The following SPATA9 variants were observed in gnomAD, a reference collection of about 807,000 sequenced individuals.
The protein encoded by SPATA9 is spermatogenesis associated 9.
Under a neutral mutation model 25.5 loss-of-function variants are expected in SPATA9, and 27 were observed. The ratio of observed to expected loss-of-function variants is 1.06; its 90% CI spans 0.78 to 1.46. SPATA9 has a LOEUF of 1.46. Ranked by LOEUF, SPATA9 falls within the 40% of genes most tolerant of loss-of-function variation. The pLI is 0.00. For synonymous variants in SPATA9, 102 were observed against 105.7 expected, an observed-to-expected ratio of 0.97 and a Z score of 0.21; for missense variants, 282 against 297.5, an observed-to-expected ratio of 0.95 and a Z score of 0.38.
upstream of SPATA9, among the ~76,000 whole-genome samples, chr5:95,686,728 C>T (rs1230052210): frequency 6.6e-6 from 1 of 152,154 alleles, no homozygotes; most frequent in Non-Finnish European, 1.5e-5. Context: ...TTCAGTGAGG[C>T]ATCCCACTCT....
At chr5:95,698,616 A>G (rs1176808090) in exon 1 of SPATA9, 1 of 152,200 alleles carries the variant, frequency 6.6e-6, no homozygotes, top group Non-Finnish European at 1.5e-5. Flanking sequence ...GCAGCTTTGA[A>G]GAGGCCAAAA....
At chr5:95,727,144 A>AT in the SPATA9 span, among the ~76,000 whole-genome samples, 1 of 152,120 alleles carries the variant, frequency 6.6e-6, no homozygotes, top group Non-Finnish European at 1.5e-5. Flanking sequence ...AAACTTTAAT[A>AT]TTTTTTTAAA....
At chr5:95,698,618 A>G (rs1754099940) in exon 1 of SPATA9, 1 of 152,146 alleles carries the variant, frequency 6.6e-6, no homozygotes, top group Non-Finnish European at 1.5e-5. Flanking sequence ...AGCTTTGAAG[A>G]GGCCAAAAGC....
chr5:95,711,835 T>A, the SPATA9 span, among the ~76,000 whole-genome samples: 2 of 152,196 alleles, frequency 1.3e-5, no homozygotes, highest in African/African-American at 4.8e-5. Flanking sequence ...AACCATTGAT[T>A]TTTACAGGGA....
upstream of SPATA9, among the ~76,000 whole-genome samples, chr5:95,700,562 C>G (rs138166199): frequency 6.6e-6 from 1 of 152,012 alleles, no homozygotes; most frequent in African/African-American, 2.4e-5. Context: ...CCTCCCAAAG[C>G]GCTGGGATTA....
chr5:95,706,802 TTTA>T, the SPATA9 span, among the ~76,000 whole-genome samples: 5 of 151,262 alleles, frequency 3.3e-5, no homozygotes, highest in African/African-American at 7.3e-5. Context: ...TTCAACAATA[TTTA>T]TTGTTTTATA....
the SPATA9 span, chr5:95,731,420 TC>T: frequency 8.4e-7 from 1 of 1,192,446 alleles, no homozygotes; most frequent in Non-Finnish European, 1.0e-6. Flanking sequence ...TGTGCGGCGG[TC>T]CCGCGCCCGG....
intron 3 of SPATA9, among the ~76,000 whole-genome samples, chr5:95,673,728 C>CCTT (rs1382091323): frequency 6.6e-6 from 1 of 151,444 alleles, no homozygotes; most frequent in African/African-American, 2.4e-5. Context: ...TTTTTATTTT[C>CCTT]CTTTTTTTTC....
chr5:95,675,262 A>G (rs1444232050), intron 3 of SPATA9, 150 bp downstream of exon 3: 1 of 668,876 alleles, frequency 1.5e-6, no homozygotes, highest in East Asian at 2.7e-5. Flanking sequence ...GTTGCACTAT[A>G]TTTTAAAAAG....
At chr5:95,652,370 T>G, downstream of SPATA9, 2 of 1,544,004 alleles carry the variant, frequency 1.3e-6, no homozygotes, top group Non-Finnish European at 1.8e-6. Context: ...AACTCCCCAG[T>G]TTTTCTCTCT....
chr5:95,693,557 G>GT (rs1753939649), intron 1 of SPATA9, among the ~76,000 whole-genome samples: 1 of 152,268 alleles, frequency 6.6e-6, no homozygotes, highest in South Asian at 2.1e-4. Flanking sequence ...CACATATGTT[G>GT]TAAAACTACA....
chr5:95,667,939 T>G (rs1455769192), intron 3 of SPATA9, among the ~76,000 whole-genome samples: 1 of 152,208 alleles, frequency 6.6e-6, no homozygotes, highest in Non-Finnish European at 1.5e-5. Context: ...CACCTCTCTC[T>G]CTTCCTCCTG....
chr5:95,672,585 C>T (rs991682596), intron 3 of SPATA9, among the ~76,000 whole-genome samples: 2 of 151,306 alleles, frequency 1.3e-5, no homozygotes, highest in African/African-American at 4.9e-5. Context: ...AGAATAAGGG[C>T]AAAGAAGAAG....
At chr5:95,671,661 A>G (rs462944) in intron 3 of SPATA9, among the ~76,000 whole-genome samples, 91,359 of 151,948 alleles carry the variant, frequency 0.6, 28,141 homozygotes, top group African/African-American at 0.73. Flanking sequence ...CCACCACCTC[A>G]GCCTCCCAAA....
In SPATA9 at chr5:95,658,546, A is replaced by C. The variant is rs1174474343; in HGVS notation, c.*77T>G. 6.7e-7 allele frequency: 1 copy of C among 1,485,434 alleles called. No individual in the cohort carries two copies. The highest frequency in any genetic ancestry group is 8.9e-7 in the Non-Finnish European group (1 of 1,119,646). 92.0% of individuals were successfully genotyped at this position (1,485,434 alleles called of 1,614,324 possible). A position where few individuals can be genotyped will look rare whatever the true frequency, so the allele number is the denominator to read the frequency against. On this transcript the variant is annotated 3_prime_UTR_variant, in exon 5 of 5. Transcript: ENST00000274432. ...AAGCAGAGCAATTCAGAATATGTAA[A>C]CTAGACTCTGAGTTTTGTCAGATGA...
intron 1 of SPATA9, among the ~76,000 whole-genome samples, chr5:95,698,185 T>C (rs1754084528): frequency 6.6e-6 from 1 of 152,068 alleles, no homozygotes; most frequent in Admixed American, 6.6e-5. Context: ...CATTGCTTCA[T>C]GGAAAAAGGT....
intron 1 of SPATA9, among the ~76,000 whole-genome samples, chr5:95,696,281 T>C (rs542462420): frequency 8.1e-6 from 1 of 122,838 alleles, no homozygotes; most frequent in East Asian, 3.0e-4. Context: ...ATAAAACTAA[T>C]ACAATTCATT....
At chr5:95,719,054 A>G in the SPATA9 span, among the ~76,000 whole-genome samples, 4 of 152,288 alleles carry the variant, frequency 2.6e-5, no homozygotes, top group Middle Eastern at 6.8e-3. Context: ...CATCATGGAA[A>G]AAGGGGCTGA....
chr5:95,682,782 G>C lies in SPATA9; in HGVS notation c.61+12C>G, dbSNP rs761959617. The C allele has an allele frequency of 3.9e-6, 6 of 1,544,044 alleles. No homozygotes were observed. In the South Asian group the frequency reaches 7.8e-5, roughly 20 times the overall value. The stretch of plus-strand genomic sequence containing the variant: ...CACACCCATACGCCCTTTACAACAA[G>C]ATTGTGTATACTTCTTCCAGAAAAG... On this transcript the variant is annotated intron_variant, in intron 1 of 4. Transcript: ENST00000274432.
Sources: allele counts gnomAD v4.1 joint callset (sites outside exome capture counted in the v4.1 genomes callset), GRCh38; gene constraint gnomAD v4.1.1; transcripts MANE v1.5; gene names NCBI Gene and HGNC (gene_info 2026-07-23, HGNC 2026-07-21).